The following RARB variants were observed in gnomAD, a reference collection of about 807,000 sequenced individuals.
RARB encodes the protein retinoic acid receptor beta, also known as HBV-activated protein.
A neutral mutation model predicts 51.9 loss-of-function variants in RARB; 17 were observed. The observed-to-expected ratio is 0.33, with a 90% CI of 0.22 to 0.49. The LOEUF is 0.49. RARB is among the 20% of genes least tolerant of loss of function. RARB has a pLI of 0.99. For synonymous variants in RARB, 215 were observed against 195.4 expected (o/e 1.10, Z -0.84); for missense variants, 369 against 550.8 (o/e 0.67, Z 3.30).
At chr3:25,510,083 C>G (rs978624761) in intron 3 of RARB, among the ~76,000 whole-genome samples, 1 of 152,118 alleles carries the variant, frequency 6.6e-6, no homozygotes, top group Admixed American at 6.5e-5. Flanking sequence ...GCAACAGCCC[C>G]AAGACTTCAG....
intron 3 of RARB, among the ~76,000 whole-genome samples, chr3:25,558,835 C>A (rs546007014): frequency 2.0e-5 from 3 of 152,284 alleles, no homozygotes; most frequent in African/African-American, 7.2e-5. Context: ...ATTGTTACCT[C>A]TAAGTCGTCT....
intron 5 of RARB, among the ~76,000 whole-genome samples, chr3:25,410,460 A>C (rs1291966224): frequency 6.6e-6 from 1 of 152,216 alleles, no homozygotes; most frequent in Non-Finnish European, 1.5e-5. Flanking sequence ...TTTATGAAGA[A>C]TTATTTCATT....
intron 4 of RARB, among the ~76,000 whole-genome samples, chr3:25,145,039 T>C (rs1034646878): frequency 1.3e-5 from 2 of 152,200 alleles, no homozygotes; most frequent in Non-Finnish European, 2.9e-5. Flanking sequence ...GGCTGTGGGC[T>C]CTATCGTCAG....
chr3:25,242,229 C>A (rs1375885331), intron 5 of RARB, among the ~76,000 whole-genome samples: 1 of 152,072 alleles, frequency 6.6e-6, no homozygotes, highest in Non-Finnish European at 1.5e-5. Context: ...GGATAGATAG[C>A]AAAAATTTTC....
intron 2 of RARB, among the ~76,000 whole-genome samples, chr3:24,943,429 G>A (rs1186810812): frequency 6.6e-6 from 1 of 152,032 alleles, no homozygotes; most frequent in Non-Finnish European, 1.5e-5. Context: ...AGGTCTAACG[G>A]CATGCTAAAA....
chr3:25,040,770 A>G (rs1575131768), intron 2 of RARB, among the ~76,000 whole-genome samples: 1 of 152,060 alleles, frequency 6.6e-6, no homozygotes, highest in African/African-American at 2.4e-5. Context: ...ATAATTCACA[A>G]CCAAACTTTG....
chr3:25,153,308 C>G (rs910675691), intron 4 of RARB, among the ~76,000 whole-genome samples: 1 of 152,172 alleles, frequency 6.6e-6, no homozygotes, highest in Admixed American at 6.5e-5. Context: ...AGACTTTTAA[C>G]AAGCAATTTC....
intron 2 of RARB, among the ~76,000 whole-genome samples, chr3:24,969,052 G>A (rs1696338075): frequency 6.6e-6 from 1 of 151,812 alleles, no homozygotes; most frequent in South Asian, 2.1e-4. Context: ...TAGAAAAATT[G>A]TGATTTGTAA....
intron 3 of RARB, among the ~76,000 whole-genome samples, chr3:25,109,295 T>C (rs553214285): frequency 1.2e-4 from 19 of 152,314 alleles, no homozygotes; most frequent in African/African-American, 4.6e-4. Context: ...TTTTTGGTTT[T>C]CAACACCTGA....
chr3:25,012,275 A>AT (rs1343381048), intron 2 of RARB, among the ~76,000 whole-genome samples: 1 of 152,084 alleles, frequency 6.6e-6, no homozygotes, highest in Non-Finnish European at 1.5e-5. Flanking sequence ...GAAAGCTTTG[A>AT]TTTTTAAAGC....
At chr3:24,837,070 C>G (rs113884022) in intron 1 of RARB, among the ~76,000 whole-genome samples, 3,620 of 152,164 alleles carry the variant, frequency 0.024, 66 homozygotes, top group Non-Finnish European at 0.037. Context: ...GCAATATGTC[C>G]TATGAAGAAA....
At chr3:24,962,474 A>G (rs781216016) in intron 2 of RARB, among the ~76,000 whole-genome samples, 4 of 152,088 alleles carry the variant, frequency 2.6e-5, no homozygotes, top group Non-Finnish European at 1.5e-5. Flanking sequence ...CTTAAAAACT[A>G]CTACACTAAA....
intron 2 of RARB, among the ~76,000 whole-genome samples, chr3:24,937,151 A>G (rs996527002): frequency 6.6e-6 from 1 of 152,230 alleles, no homozygotes; most frequent in African/African-American, 2.4e-5. Context: ...AATAACTGGT[A>G]AAGCAGAGTT....
intron 5 of RARB, among the ~76,000 whole-genome samples, chr3:25,208,736 G>A (rs1273231984): frequency 1.3e-5 from 2 of 152,044 alleles, no homozygotes; most frequent in East Asian, 3.9e-4. Flanking sequence ...TTAAAGCAAT[G>A]AGATCTCATT....
At chr3:25,281,005 C>T (rs1054726325) in intron 5 of RARB, among the ~76,000 whole-genome samples, 1 of 152,158 alleles carries the variant, frequency 6.6e-6, no homozygotes. Flanking sequence ...TAAACACATA[C>T]TTTTGTCAAA....
chr3:24,971,426 C>G (rs1220746885), intron 2 of RARB, among the ~76,000 whole-genome samples: 1 of 152,114 alleles, frequency 6.6e-6, no homozygotes, highest in Middle Eastern at 3.4e-3. Context: ...TGAAGATAGA[C>G]ATAACTTTAG....
intron 2 of RARB, among the ~76,000 whole-genome samples, chr3:25,010,647 A>G (rs1321904294): frequency 6.6e-6 from 1 of 152,076 alleles, no homozygotes; most frequent in Admixed American, 6.6e-5. Flanking sequence ...TAACCCCCAC[A>G]GTACCCCTGT....
At chr3:25,525,199 C>A (rs1038051934) in intron 3 of RARB, among the ~76,000 whole-genome samples, 9 of 152,158 alleles carry the variant, frequency 5.9e-5, no homozygotes, top group Non-Finnish European at 1.0e-4. Context: ...AAATAGAACA[C>A]TCAAAGATCT....
intron 1 of RARB, among the ~76,000 whole-genome samples, chr3:24,834,003 A>G (rs1430864405): frequency 1.3e-5 from 2 of 152,228 alleles, no homozygotes; most frequent in Non-Finnish European, 2.9e-5. Flanking sequence ...CACTATTTAA[A>G]GATAAACTGA....
Sources: allele counts gnomAD v4.1 joint callset (sites outside exome capture counted in the v4.1 genomes callset), GRCh38; gene constraint gnomAD v4.1.1; transcripts MANE v1.5; gene names NCBI Gene and HGNC (gene_info 2026-07-23, HGNC 2026-07-21).